The following PNLDC1 variants were observed in gnomAD, a reference collection of about 807,000 sequenced individuals.
PNLDC1 encodes the protein PARN like ribonuclease domain containing exonuclease 1.
Under a neutral mutation model 82.0 loss-of-function variants are expected in PNLDC1, and 70 were observed. That is an observed-to-expected ratio of 0.85 (90% CI 0.70 to 1.04). The LOEUF is 1.04. Among genes scored for constraint, PNLDC1 ranks in the 50% least tolerant of loss-of-function variants. PNLDC1 has a pLI of 0.00. For synonymous variants in PNLDC1, 280 were observed against 249.3 expected, an observed-to-expected ratio of 1.12 and a Z score of -1.16; for missense variants, 631 against 661.1, an observed-to-expected ratio of 0.95 and a Z score of 0.50.
At chr6:159,803,416 T>A (rs556004890) in intron 4 of PNLDC1, 106 bp downstream of exon 4, 1 of 976,368 alleles carries the variant, frequency 1.0e-6, no homozygotes, top group African/African-American at 1.6e-5. Context: ...GCCCTGGATC[T>A]TCCGTATTCT....
intron 2 of PNLDC1, 135 bp downstream of exon 2, chr6:159,800,964 T>C (rs200494766): frequency 1.1e-6 from 1 of 949,452 alleles, no homozygotes; most frequent in Non-Finnish European, 1.6e-6. Flanking sequence ...ACCTTGCTTT[T>C]TTCTGTCCAC....
chr6:159,803,770 G>A (rs1232489523), intron 4 of PNLDC1, among the ~76,000 whole-genome samples, 195 bp from the exon 5 acceptor site: 2 of 152,072 alleles, frequency 1.3e-5, no homozygotes, highest in African/African-American at 4.8e-5. Flanking sequence ...GGTATACGCT[G>A]GCCCTGAAGG....
chr6:159,807,386 T>A (rs1301912710), intron 7 of PNLDC1, among the ~76,000 whole-genome samples: 1 of 132,140 alleles, frequency 7.6e-6, no homozygotes, highest in East Asian at 2.0e-4. Flanking sequence ...ACAATGAGAC[T>A]CTGTTTCAAA....
intron 18 of PNLDC1, among the ~76,000 whole-genome samples, chr6:159,820,074 G>A (rs980588336): frequency 2.6e-5 from 4 of 152,196 alleles, no homozygotes; most frequent in African/African-American, 4.8e-5. Flanking sequence ...CAGGGGCAGC[G>A]GGGTGGAGTC....
intron 3 of PNLDC1, 107 bp from the exon 4 acceptor site, chr6:159,803,164 A>G (rs1430478419): frequency 1.0e-6 from 1 of 969,102 alleles, no homozygotes; most frequent in Admixed American, 1.8e-5. Flanking sequence ...TGTACAGCCC[A>G]CATAGTATCT....
chr6:159,802,338 C>T (rs914955425), intron 3 of PNLDC1, among the ~76,000 whole-genome samples: 4 of 151,180 alleles, frequency 2.6e-5, no homozygotes, highest in African/African-American at 9.7e-5. Context: ...AGGCTGGGCT[C>T]AAACTTTTGG....
rs908582626 is a variant in PNLDC1, at chr6:159,819,805, C to T, written c.1532+453C>T. Reference sequence around the variant, plus strand: ...CGGAGCCTTCCAGTCAGGAGGTGCCCGGAGTGTCACGGGGAGAGGCCATTG... The same window carrying T: ...CGGAGCCTTCCAGTCAGGAGGTGCCTGGAGTGTCACGGGGAGAGGCCATTG... On this transcript the variant is annotated intron_variant, in intron 18 of 18. Transcript: ENST00000392167. This position sits in a 1 kb window ranked among gnomAD's most constrained non-coding sequence, Gnocchi z 4.6. Among the ~76,000 whole-genome samples the T allele has an allele frequency of 6.6e-6, 1 of 151,786 alleles. No homozygotes were observed. Among genetic ancestry groups the T allele is most frequent in the Non-Finnish European group, 1.5e-5 (1 of 67,954 alleles).
intron 1 of PNLDC1, 29 bp downstream of exon 1, chr6:159,800,412 C>G (rs769681337): frequency 9.7e-6 from 15 of 1,541,146 alleles, no homozygotes; most frequent in Non-Finnish European, 1.2e-5. Flanking sequence ...GCGGCTGTGC[C>G]GGACAGAGCC....
chr6:159,814,285 T>G (rs1190864706), intron 12 of PNLDC1, among the ~76,000 whole-genome samples: 1 of 152,080 alleles, frequency 6.6e-6, no homozygotes, highest in African/African-American at 2.4e-5. Context: ...CTGTTCTGGA[T>G]GTGTGTGTGC....
At chr6:159,804,496 G>C in intron 5 of PNLDC1, 53 bp from the exon 6 acceptor site, 1 of 1,235,886 alleles carries the variant, frequency 8.1e-7, no homozygotes. Flanking sequence ...AGGCACAGAG[G>C]ATCCCTCTGA....
At chr6:159,816,785 A>C (rs1048303393) in intron 14 of PNLDC1, among the ~76,000 whole-genome samples, 189 bp downstream of exon 14, 1 of 151,950 alleles carries the variant, frequency 6.6e-6, no homozygotes, top group African/African-American at 2.4e-5. Context: ...GGTGCATGCC[A>C]CCATGCCTGG....
Position 159,819,518 on chromosome 6 carries a change from G to A in PNLDC1, c.1532+166G>A, listed in dbSNP as rs569910482. 1.1e-4 allele frequency among the ~76,000 whole-genome samples: 17 copies of A among 152,340 alleles called. No individual in the cohort carries two copies. The highest frequency in any genetic ancestry group is 2.2e-4 in the Non-Finnish European group (15 of 68,044). On this transcript the variant is annotated intron_variant, in intron 18 of 18. Transcript: ENST00000392167. The surrounding 1 kb of genome is among the most constrained non-coding windows in gnomAD (Gnocchi z 4.6). Reference sequence around the variant, plus strand: ...CCTGAATGTCCTTCAGTGATGCCGCGTGTCTGTCGAGCACCTGCTGTGCTG... The same window carrying A: ...CCTGAATGTCCTTCAGTGATGCCGCATGTCTGTCGAGCACCTGCTGTGCTG...
rs1562505437 is a variant in PNLDC1 at position 159,816,045 on chromosome 6, T to A, written c.1060+12T>A. 6.2e-7 allele frequency: 1 copy of A among 1,601,560 alleles called. No individual in the cohort carries two copies. Among genetic ancestry groups the A allele is most frequent in the South Asian group, 1.1e-5 (1 of 90,696 alleles). On this transcript the variant is annotated intron_variant, in intron 13 of 18. Transcript: ENST00000392167. Reference sequence around the variant, plus strand: ...GTGTGAGAAATATGGTACGTTCCCATGAGCCCATAATCCTTGCACAGTCGG... The same window carrying A: ...GTGTGAGAAATATGGTACGTTCCCAAGAGCCCATAATCCTTGCACAGTCGG...
chr6:159,799,627 T>TA (rs1781161387), upstream of PNLDC1, among the ~76,000 whole-genome samples: 1 of 151,996 alleles, frequency 6.6e-6, no homozygotes, highest in African/African-American at 2.4e-5. Context: ...GTAACAAAAG[T>TA]AAAAATTAAG....
intron 6 of PNLDC1, among the ~76,000 whole-genome samples, chr6:159,805,327 C>T (rs1781408733): frequency 6.6e-6 from 1 of 152,102 alleles, no homozygotes; most frequent in Non-Finnish European, 1.5e-5. Context: ...TGGGTTTGAA[C>T]AAGGTATGGA....
chr6:159,805,672 A>G (rs146688166), intron 6 of PNLDC1: 223 of 270,314 alleles, frequency 8.2e-4, no homozygotes, highest in Non-Finnish European at 1.4e-3. Flanking sequence ...AGCTGAATAA[A>G]GAAGACGGTC....
Position 159,809,049 on chromosome 6 carries a change from G to T in PNLDC1, c.674G>T (p.Trp225Leu), listed in dbSNP as rs761079605. The change falls in exon 9 of 19, where the codon TGG (tryptophan) becomes TTG (leucine). Residue 225 changes from tryptophan (W) to leucine (L), a missense_variant. Transcript: ENST00000392167. ...VVKKVSKQHR[W>L]YLQNTSCDRE... ...AAGAAAGTGAGTAAACAACATCGTTGGTATCTTCAGAACACCTCTTGTGAC... is the reference window on the plus strand; with the variant it reads ...AAGAAAGTGAGTAAACAACATCGTTTGTATCTTCAGAACACCTCTTGTGAC... 5 of 1,613,518 alleles carry T rather than the reference G, an allele frequency of 3.1e-6. No homozygotes were observed. The Admixed American group carries it at 5.0e-5, about 16-fold the overall frequency.
chr6:159,800,158 A>G (rs13196139), upstream of PNLDC1: 312,349 of 628,720 alleles, frequency 0.5, 81,644 homozygotes, highest in Admixed American at 0.56. Context: ...CGACGCCAGC[A>G]GCACACGGGG....
intron 11 of PNLDC1, among the ~76,000 whole-genome samples, 180 bp from the exon 12 acceptor site, chr6:159,813,421 A>AT (rs1781707627): frequency 6.6e-6 from 1 of 152,220 alleles, no homozygotes; most frequent in Non-Finnish European, 1.5e-5. Context: ...AAACCCAGGA[A>AT]TACTGCGTAC....
Sources: allele counts gnomAD v4.1 joint callset (sites outside exome capture counted in the v4.1 genomes callset), GRCh38; gene constraint gnomAD v4.1.1; non-coding constraint Gnocchi (gnomAD v3.1); transcripts MANE v1.5; gene names NCBI Gene and HGNC (gene_info 2026-07-23, HGNC 2026-07-21).